DUSP16: variants seen among roughly 807,000 people sequenced by gnomAD.
The protein encoded by DUSP16 is dual specificity phosphatase 16.
In DUSP16, 21 loss-of-function variants were observed where a neutral mutation model predicts 58.3. That is an observed-to-expected ratio of 0.36 (90% CI 0.26 to 0.52). The LOEUF (loss-of-function observed/expected upper bound fraction) is 0.52. Ranked by LOEUF, DUSP16 falls within the 20% of genes least tolerant of loss-of-function variation. The probability of loss-of-function intolerance (pLI) is 0.94; values close to 1 mark genes in which losing one functional copy is unlikely to be tolerated. For synonymous variants in DUSP16, 320 were observed against 323.8 expected (o/e 0.99, Z 0.12); for missense variants, 726 against 819.0 (o/e 0.89, Z 1.39).
rs1001481556 is a variant in DUSP16, at chr12:12,476,189, T to C, written c.*644A>G. The C allele has an allele frequency of 1.3e-5, 2 of 152,708 alleles. No individual in the cohort carries two copies. The highest frequency in any genetic ancestry group is 4.8e-5 in the African/African-American group (2 of 41,462). The allele number at this position is 152,708 out of a possible 1,614,324, so 9.5% of individuals were successfully genotyped here. On this transcript the variant is annotated 3_prime_UTR_variant, in exon 7 of 7. Coordinates refer to ENST00000298573, the MANE Select transcript of DUSP16 (RefSeq NM_030640.3). ...TATTCACAATGCCTAGAAAATGGGCTACCAGATATGGTAGTGGTCAAAGCC... is the reference window on the plus strand; with the variant it reads ...TATTCACAATGCCTAGAAAATGGGCCACCAGATATGGTAGTGGTCAAAGCC...
chr12:12,492,502 C>T (rs531367010), intron 4 of DUSP16, among the ~76,000 whole-genome samples: 1 of 152,152 alleles, frequency 6.6e-6, no homozygotes, highest in Non-Finnish European at 1.5e-5. Context: ...AAGAACATAG[C>T]TTTGTGATTC....
intron 1 of DUSP16, among the ~76,000 whole-genome samples, chr12:12,533,604 C>A (rs1471940274): frequency 6.6e-6 from 1 of 152,210 alleles, no homozygotes; most frequent in East Asian, 1.9e-4. Context: ...CCACCACAGG[C>A]TTCCTTCTCT....
chr12:12,557,952 T>C (rs1042658726), intron 1 of DUSP16, among the ~76,000 whole-genome samples: 1 of 152,344 alleles, frequency 6.6e-6, no homozygotes, highest in East Asian at 1.9e-4. Context: ...TGTTAACCAA[T>C]CTTTAAGGCC....
intron 1 of DUSP16, among the ~76,000 whole-genome samples, chr12:12,546,277 GTT>G (rs921555253): frequency 3.3e-5 from 5 of 152,166 alleles, no homozygotes. Context: ...TCGTGGTTGT[GTT>G]TTTTCACAAT....
chr12:12,486,449 C>G (rs969017477), intron 5 of DUSP16, among the ~76,000 whole-genome samples: 1 of 150,996 alleles, frequency 6.6e-6, no homozygotes, highest in African/African-American at 2.4e-5. Context: ...GAGATCCCGT[C>G]AAGACCATTG....
At chr12:12,515,446 G>T (rs368840991) in intron 3 of DUSP16, among the ~76,000 whole-genome samples, 6 of 151,722 alleles carry the variant, frequency 4.0e-5, no homozygotes, top group African/African-American at 1.5e-4. Context: ...TCCTGCCTCA[G>T]CTTCCTGAGC....
Position 12,480,279 on chromosome 12 carries a change from G to A in DUSP16, c.759C>T (p.Thr253=). ...HCLAGISRSA[T]IAIAYIMKRM... The stretch of plus-strand genomic sequence containing the variant: ...TCTTCATGATGTAGGCGATAGCGAT[G>A]GTGGCGGAGCGGGAGATCCCAGCTA... Residue 253 remains threonine (T), a synonymous_variant, in exon 6 of 7, where the codon ACC becomes ACT. Transcript: ENST00000298573. The A allele has an allele frequency of 1.9e-6, 3 of 1,614,198 alleles. No individual in the cohort carries two copies. The highest frequency in any genetic ancestry group is 2.5e-6 in the Non-Finnish European group (3 of 1,180,042).
intron 4 of DUSP16, among the ~76,000 whole-genome samples, chr12:12,488,932 A>G (rs1463147216): frequency 6.6e-6 from 1 of 152,120 alleles, no homozygotes; most frequent in Non-Finnish European, 1.5e-5. Flanking sequence ...CTACAAAATT[A>G]TCCAGGTGTG....
chr12:12,480,878 C>G (rs1316935723), intron 5 of DUSP16, among the ~76,000 whole-genome samples: 1 of 152,088 alleles, frequency 6.6e-6, no homozygotes, highest in Non-Finnish European at 1.5e-5. Flanking sequence ...AGCACCACGC[C>G]TGGCTAATTT....
chr12:12,535,409 A>C lies in DUSP16; in HGVS notation c.-365-13946T>G, dbSNP rs574470324. On this transcript the variant is annotated intron_variant, in intron 1 of 6. Transcript: ENST00000298573. Reference sequence around the variant, plus strand: ...CAAAGTTTGAGAGAATGGTGTTTCTATTTGCTATTCTTTTTTATTTTTTCT... The same window carrying C: ...CAAAGTTTGAGAGAATGGTGTTTCTCTTTGCTATTCTTTTTTATTTTTTCT... Among the ~76,000 whole-genome samples, 3 of 152,154 alleles carry C rather than the reference A, an allele frequency of 2.0e-5. 1 individual carries two copies. In the South Asian group the frequency reaches 6.2e-4, roughly 31 times the overall value.
At chr12:12,534,714 A>G (rs1216936903) in intron 1 of DUSP16, among the ~76,000 whole-genome samples, 3 of 152,182 alleles carry the variant, frequency 2.0e-5, no homozygotes, top group South Asian at 2.1e-4. Flanking sequence ...TACTGCTATT[A>G]TAACAAGTAA....
intron 3 of DUSP16, among the ~76,000 whole-genome samples, chr12:12,502,210 T>C (rs921226625): frequency 6.0e-4 from 91 of 152,176 alleles, no homozygotes; most frequent in African/African-American, 2.1e-3. Flanking sequence ...GAGGGAATCA[T>C]CTTTCATTAT....
At chr12:12,544,285 T>G (rs1269697430) in intron 1 of DUSP16, among the ~76,000 whole-genome samples, 1 of 152,202 alleles carries the variant, frequency 6.6e-6, no homozygotes, top group African/African-American at 2.4e-5. Flanking sequence ...TTGTTGTAAG[T>G]AGCAAGAGTT....
intron 1 of DUSP16, among the ~76,000 whole-genome samples, chr12:12,521,785 G>A (rs929467487): frequency 6.6e-6 from 1 of 152,160 alleles, no homozygotes; most frequent in African/African-American, 2.4e-5. Context: ...AAAGCTGCTT[G>A]AAGTATTATT....
intron 1 of DUSP16, among the ~76,000 whole-genome samples, chr12:12,540,949 C>CTTTTTTTTTTTTTTTTTTTTT (rs1191975095): frequency 2.3e-5 from 1 of 43,806 alleles, no homozygotes; most frequent in African/African-American, 8.9e-5. Context: ...CTTTTCTTTT[C>CTTTTTTTTTTTTTTTTTTTTT]TTTTTTTTTT....
chr12:12,507,693 T>G (rs1566005182), intron 3 of DUSP16, among the ~76,000 whole-genome samples: 1 of 152,218 alleles, frequency 6.6e-6, no homozygotes, highest in Non-Finnish European at 1.5e-5. Context: ...CACCGCAACC[T>G]CCACCTCCCG....
chr12:12,535,120 G>A (rs1342015514), intron 1 of DUSP16, among the ~76,000 whole-genome samples: 2 of 152,236 alleles, frequency 1.3e-5, no homozygotes, highest in Non-Finnish European at 2.9e-5. Flanking sequence ...TTCATCAAGA[G>A]TCTGCCTGGC....
chr12:12,536,213 G>A (rs1261228880), intron 1 of DUSP16, among the ~76,000 whole-genome samples: 2 of 152,194 alleles, frequency 1.3e-5, no homozygotes, highest in Admixed American at 6.5e-5. Flanking sequence ...CCAAGGCAAT[G>A]TGCCTGGCAC....
intron 5 of DUSP16, among the ~76,000 whole-genome samples, chr12:12,485,786 C>CT (rs749939375): frequency 0.038 from 4,124 of 107,460 alleles, 34 homozygotes; most frequent in Non-Finnish European, 0.045. Flanking sequence ...GCCAATTCCA[C>CT]TTTTTTTTTT....
Sources: allele counts gnomAD v4.1 joint callset (sites outside exome capture counted in the v4.1 genomes callset), GRCh38; gene constraint gnomAD v4.1.1; transcripts MANE v1.5; gene names NCBI Gene and HGNC (gene_info 2026-07-23, HGNC 2026-07-21).